Variants in TENM4 observed in about 807,000 individuals in gnomAD.
TENM4 encodes the protein teneurin-4.
Under a neutral mutation model 243.3 loss-of-function variants are expected in TENM4, and 82 were observed. That is an observed-to-expected ratio of 0.34 (90% confidence interval 0.28 to 0.40). The LOEUF is 0.40. TENM4 is among the 10% of genes least tolerant of loss of function. The pLI is 1.00. For missense variants in TENM4, 3,138 were observed against 3,673.3 expected (o/e 0.85, Z 3.77); for synonymous variants, 1,412 against 1,456.3 (o/e 0.97, Z 0.69).
chr11:78,991,140 G>A (rs553943523), intron 6 of TENM4, among the ~76,000 whole-genome samples: 2 of 152,296 alleles, frequency 1.3e-5, no homozygotes, highest in East Asian at 3.9e-4. Context: ...CAATGACTAA[G>A]ATGGCTGCTA....
chr11:79,267,395 C>T (rs1855900415), intron 2 of TENM4, among the ~76,000 whole-genome samples: 1 of 152,130 alleles, frequency 6.6e-6, no homozygotes, highest in African/African-American at 2.4e-5. Flanking sequence ...GAGAAGAATG[C>T]CAGAAATGCC....
intron 1 of TENM4, among the ~76,000 whole-genome samples, chr11:79,346,725 T>G (rs1377468145): frequency 6.6e-6 from 1 of 152,164 alleles, no homozygotes; most frequent in African/African-American, 2.4e-5. Context: ...CCTGGTAACT[T>G]TTTTGGGAAA....
chr11:79,024,176 G>C (rs1025057888), intron 6 of TENM4, among the ~76,000 whole-genome samples: 7 of 152,262 alleles, frequency 4.6e-5, no homozygotes, highest in African/African-American at 1.7e-4. Flanking sequence ...GGTGGCCAGG[G>C]TACCTGGCCC....
intron 6 of TENM4, among the ~76,000 whole-genome samples, chr11:78,965,307 G>T (rs548466275): frequency 6.6e-6 from 1 of 151,652 alleles, no homozygotes; most frequent in Non-Finnish European, 1.5e-5. Flanking sequence ...TAACAAAACC[G>T]CCCCACCAAG....
intron 12 of TENM4, among the ~76,000 whole-genome samples, chr11:78,833,595 G>C (rs750151475): frequency 2.6e-5 from 4 of 152,196 alleles, no homozygotes; most frequent in Non-Finnish European, 4.4e-5. Context: ...AGTCTGGTCA[G>C]GTTGTTTTCC....
intron 30 of TENM4, among the ~76,000 whole-genome samples, chr11:78,673,912 A>G (rs1031405809): frequency 1.3e-5 from 2 of 152,254 alleles, no homozygotes; most frequent in Non-Finnish European, 2.9e-5. Context: ...ACAATTGCAG[A>G]TGCAAAAACA....
intron 6 of TENM4, among the ~76,000 whole-genome samples, chr11:78,977,666 G>A (rs562796635): frequency 3.3e-5 from 5 of 152,286 alleles, no homozygotes; most frequent in Non-Finnish European, 4.4e-5. Flanking sequence ...ACCATCTCAC[G>A]CCAGTTAGAA....
At chr11:78,685,906 C>T (rs954734792) in intron 29 of TENM4, among the ~76,000 whole-genome samples, 5 of 152,240 alleles carry the variant, frequency 3.3e-5, no homozygotes, top group Admixed American at 6.5e-5. Flanking sequence ...TATATATCCA[C>T]AGTTCCCAGC....
At position 78,863,307 on chromosome 11, in the gene TENM4, A is replaced by C. The variant is rs1472983585; in HGVS notation, c.1085-175T>G. On this transcript the variant is annotated intron_variant, in intron 9 of 33. Coordinates refer to ENST00000278550, the MANE Select transcript of TENM4 (RefSeq NM_001098816.3). ...GCCCTGCAAAGGAGACTGGGGACAG[A>C]GAGGATCAAGGTTCAGACCCTGCCC... is the stretch of plus-strand genomic sequence containing the variant. 2.0e-5 allele frequency among the ~76,000 whole-genome samples: 3 copies of C among 152,362 alleles called. No individual in the cohort carries two copies. The East Asian group carries it at 5.8e-4, about 29-fold the overall frequency.
chr11:79,041,861 C>T (rs72949533), intron 6 of TENM4, among the ~76,000 whole-genome samples: 13,229 of 152,280 alleles, frequency 0.087, 703 homozygotes, highest in Non-Finnish European at 0.11. Context: ...ATTTACTGAA[C>T]ACCTGGGTGC....
chr11:79,005,616 A>T (rs1265281433), intron 6 of TENM4, among the ~76,000 whole-genome samples: 1 of 152,186 alleles, frequency 6.6e-6, no homozygotes, highest in Non-Finnish European at 1.5e-5. Context: ...AAATAATAAC[A>T]GCCATCTATG....
intron 4 of TENM4, among the ~76,000 whole-genome samples, chr11:79,075,723 C>A (rs1860521781): frequency 6.6e-6 from 1 of 152,198 alleles, no homozygotes; most frequent in African/African-American, 2.4e-5. Flanking sequence ...GAGCACATTG[C>A]CACTGACGCC....
chr11:79,358,457 G>T (rs779384718), intron 1 of TENM4, among the ~76,000 whole-genome samples: 3 of 152,156 alleles, frequency 2.0e-5, no homozygotes, highest in Non-Finnish European at 4.4e-5. Flanking sequence ...TCATGGGCCG[G>T]ATGAAAAATG....
chr11:78,904,047 CG>C (rs1291493175), intron 6 of TENM4, among the ~76,000 whole-genome samples: 2 of 151,924 alleles, frequency 1.3e-5, no homozygotes, highest in African/African-American at 4.8e-5. Flanking sequence ...ACACAGTAAA[CG>C]AAACAAACCA....
chr11:79,408,662 A>G (rs1590945019), intron 1 of TENM4, among the ~76,000 whole-genome samples: 1 of 152,276 alleles, frequency 6.6e-6, no homozygotes, highest in East Asian at 1.9e-4. Flanking sequence ...TTTATTGGAG[A>G]TGGAAAGGAA....
At chr11:79,021,342 C>A (rs920717603) in intron 6 of TENM4, among the ~76,000 whole-genome samples, 4 of 152,166 alleles carry the variant, frequency 2.6e-5, no homozygotes, top group Non-Finnish European at 5.9e-5. Flanking sequence ...TAGTTTCCTA[C>A]TGTTTGGGTT....
At chr11:79,031,736 C>T (rs1412417501) in intron 6 of TENM4, among the ~76,000 whole-genome samples, 1 of 152,216 alleles carries the variant, frequency 6.6e-6, no homozygotes, top group East Asian at 1.9e-4. Context: ...CATGCCCTCC[C>T]TTAAGACTTG....
At position 79,002,436 on chromosome 11, in the gene TENM4, C is replaced by T. The variant is rs564250513; in HGVS notation, c.493+62302G>A. ...TGTTGTGGCCAGTGAACTGGGAACACCTCAGCCCCTCCAATGCAGCAGGTT... is the reference window on the plus strand; with the variant it reads ...TGTTGTGGCCAGTGAACTGGGAACATCTCAGCCCCTCCAATGCAGCAGGTT... On this transcript the variant is annotated intron_variant, in intron 6 of 33. Coordinates refer to ENST00000278550, the MANE Select transcript of TENM4 (RefSeq NM_001098816.3). 5.9e-5 allele frequency among the ~76,000 whole-genome samples: 9 copies of T among 152,310 alleles called. No individual in the cohort carries two copies. In the East Asian group the frequency reaches 1.7e-3, roughly 29 times the overall value.
At position 78,805,283 on chromosome 11, in the gene TENM4, T is replaced by A; in HGVS notation, c.2179+9A>T. ...CCTCTACCCATGCTTCTTCTCCCCC[T>A]GCATTTACCGATAGAACAGTCGTGT... On this transcript the variant is annotated intron_variant, in intron 15 of 33. Coordinates refer to ENST00000278550, the MANE Select transcript of TENM4 (RefSeq NM_001098816.3). The A allele has an allele frequency of 2.3e-4, 54 of 233,084 alleles. No homozygotes were observed. Among genetic ancestry groups the A allele is most frequent in the East Asian group, 8.6e-4 (5 of 5,798 alleles). 14.4% of individuals were successfully genotyped at this position (233,084 alleles called of 1,614,324 possible). A position where few individuals can be genotyped will look rare whatever the true frequency, so the allele number is the denominator to read the frequency against.
Sources: gnomAD v4.1 joint callset for allele counts (sites outside exome capture counted in the v4.1 genomes callset) on GRCh38, gnomAD v4.1.1 for gene constraint, MANE v1.5 for transcripts, NCBI Gene and HGNC (gene_info 2026-07-23, HGNC 2026-07-21) for gene names.